The following SLC24A4 variants were observed in gnomAD, a reference collection of about 807,000 sequenced individuals.
SLC24A4 encodes the protein sodium/potassium/calcium exchanger 4.
Under a neutral mutation model 79.0 loss-of-function variants are expected in SLC24A4, and 53 were observed. The observed-to-expected ratio is 0.67, with a 90% CI of 0.54 to 0.84. The LOEUF is 0.84. Among genes scored for constraint, SLC24A4 ranks in the 40% least tolerant of loss-of-function variants. The pLI is 0.00. For synonymous variants in SLC24A4, 323 were observed against 323.8 expected, an observed-to-expected ratio of 1.00 and a Z score of 0.03; for missense variants, 731 against 822.0, an observed-to-expected ratio of 0.89 and a Z score of 1.35.
At chr14:92,324,867 C>T (rs938427324) in intron 1 of SLC24A4, among the ~76,000 whole-genome samples, 3 of 152,176 alleles carry the variant, frequency 2.0e-5, no homozygotes, top group Non-Finnish European at 4.4e-5. Context: ...AGGCCGTCAA[C>T]ATCCAGAGAC....
chr14:92,410,011 G>T lies in SLC24A4; in HGVS notation c.242-23901G>T, dbSNP rs1032869423. Among the ~76,000 whole-genome samples the T allele has an allele frequency of 9.9e-5, 15 of 152,254 alleles. No individual in the cohort carries two copies. The Middle Eastern group carries it at 0.014, about 138-fold the overall frequency. ...AATGATGAGAACTCATGAACACAAA[G>T]AAAGGAACAGACACTGGTGTCTATT... On this transcript the variant is annotated intron_variant, in intron 2 of 16. Coordinates refer to ENST00000532405, the MANE Select transcript of SLC24A4 (RefSeq NM_153646.4).
chr14:92,340,397 C>T (rs756712970), intron 2 of SLC24A4, among the ~76,000 whole-genome samples: 4 of 152,362 alleles, frequency 2.6e-5, no homozygotes, highest in East Asian at 1.9e-4. Context: ...TGTGCTTTGA[C>T]GCAAGAGGGT....
In SLC24A4 at chr14:92,483,772, T is replaced by G. The variant is rs757980122; in HGVS notation, c.1422+926T>G. 27 of 1,289,942 alleles carry G rather than the reference T, an allele frequency of 2.1e-5. No homozygotes were observed. In the South Asian group the frequency reaches 3.3e-4, roughly 16 times the overall value. 79.9% of individuals were successfully genotyped at this position (1,289,942 alleles called of 1,614,324 possible). On this transcript the variant is annotated intron_variant, in intron 13 of 16. Coordinates refer to ENST00000532405, the MANE Select transcript of SLC24A4 (RefSeq NM_153646.4). ...AGTTCCAGCATGGCTGCAGTTCTGT[T>G]GATTGTGAAACTCACTCTCAGCCCC...
intron 2 of SLC24A4, among the ~76,000 whole-genome samples, chr14:92,370,151 A>G (rs896043500): frequency 2.0e-5 from 3 of 152,250 alleles, no homozygotes; most frequent in Admixed American, 2.0e-4. Flanking sequence ...GGTAAGAGAT[A>G]GCTTTTAAAA....
rs760152843 is a variant in SLC24A4 at position 92,360,580 on chromosome 14, T to G, written c.241+34602T>G. On this transcript the variant is annotated intron_variant, in intron 2 of 16. Coordinates refer to ENST00000532405, the MANE Select transcript of SLC24A4 (RefSeq NM_153646.4). Reference sequence around the variant, plus strand: ...CAATAATGCTCTTACAAACATCCTGTGTACATGTTGCCTGTATACATGCGT... The same window carrying G: ...CAATAATGCTCTTACAAACATCCTGGGTACATGTTGCCTGTATACATGCGT... Among the ~76,000 whole-genome samples, 64 of 152,244 alleles carry G rather than the reference T, an allele frequency of 4.2e-4. 2 individuals are homozygous for G. Among genetic ancestry groups the G allele is most frequent in the Admixed American group, 9.2e-4 (14 of 15,288 alleles).
At chr14:92,460,829 G>C (rs1007864560) in intron 12 of SLC24A4, among the ~76,000 whole-genome samples, 2 of 152,186 alleles carry the variant, frequency 1.3e-5, no homozygotes, top group African/African-American at 4.8e-5. Flanking sequence ...CCCAGATGAC[G>C]GGTCGCTGGG....
At chr14:92,430,875 A>G (rs1305334291) in intron 2 of SLC24A4, among the ~76,000 whole-genome samples, 7 of 152,148 alleles carry the variant, frequency 4.6e-5, no homozygotes, top group Admixed American at 4.6e-4. Flanking sequence ...AGCCGTGTGT[A>G]TGTTCCCTGC....
chr14:92,370,811 T>C (rs746476371), intron 2 of SLC24A4, among the ~76,000 whole-genome samples: 6 of 152,152 alleles, frequency 3.9e-5, no homozygotes, highest in African/African-American at 7.2e-5. Flanking sequence ...GTTTCCCCAA[T>C]GTTTAAAAAA....
At chr14:92,482,908 T>G in intron 13 of SLC24A4, 62 bp downstream of exon 13, 1 of 1,525,202 alleles carries the variant, frequency 6.6e-7, no homozygotes, top group Non-Finnish European at 8.9e-7. Context: ...AGAGCTGGGT[T>G]CAAGGCTAAC....
chr14:92,469,988 A>G (rs895329014), intron 12 of SLC24A4, among the ~76,000 whole-genome samples: 1 of 152,334 alleles, frequency 6.6e-6, no homozygotes, highest in Non-Finnish European at 1.5e-5. Context: ...TATAGTGGTC[A>G]TAGTTACACA....
chr14:92,339,902 A>G (rs1595135162), intron 2 of SLC24A4, among the ~76,000 whole-genome samples: 1 of 152,210 alleles, frequency 6.6e-6, no homozygotes, highest in East Asian at 1.9e-4. Flanking sequence ...AGTTATTGCA[A>G]AGAGTCTTAG....
intron 2 of SLC24A4, among the ~76,000 whole-genome samples, chr14:92,399,329 A>G (rs1889960341): frequency 6.6e-6 from 1 of 152,188 alleles, no homozygotes; most frequent in African/African-American, 2.4e-5. Context: ...TCCATTTGGC[A>G]TGATGCATGG....
rs373059478 is a variant in SLC24A4 at position 92,357,249 on chromosome 14, AC to A, written c.241+31274del. The stretch of plus-strand genomic sequence containing the variant: ...AGAACAACTTCCAAAGTCAGTACAG[AC>A]CCAGACAGAAAGGCTGATTGCCAGA... On this transcript the variant is annotated intron_variant, in intron 2 of 16. Coordinates refer to ENST00000532405, the MANE Select transcript of SLC24A4 (RefSeq NM_153646.4). 2.9e-3 allele frequency among the ~76,000 whole-genome samples: 437 copies of A among 152,322 alleles called. 2 individuals carry two copies. Among genetic ancestry groups the A allele is most frequent in the African/African-American group, 9.8e-3 (408 of 41,580 alleles).
At chr14:92,331,611 A>G (rs1201765901) in intron 2 of SLC24A4, among the ~76,000 whole-genome samples, 1 of 152,210 alleles carries the variant, frequency 6.6e-6, no homozygotes, top group African/African-American at 2.4e-5. Flanking sequence ...CCATTACTGT[A>G]TTATCTGCCT....
At chr14:92,395,024 G>A (rs1889687522) in intron 2 of SLC24A4, among the ~76,000 whole-genome samples, 1 of 152,150 alleles carries the variant, frequency 6.6e-6, no homozygotes, top group African/African-American at 2.4e-5. Flanking sequence ...TGAGTGGCAT[G>A]GGAGCAGGAA....
intron 7 of SLC24A4, 117 bp from the exon 8 acceptor site, chr14:92,445,200 T>C: frequency 9.2e-7 from 1 of 1,090,168 alleles, no homozygotes; most frequent in East Asian, 2.4e-5. Flanking sequence ...AATGGACCCA[T>C]AACACATATA....
chr14:92,455,741 T>C (rs1464660388), intron 11 of SLC24A4, among the ~76,000 whole-genome samples: 3 of 151,464 alleles, frequency 2.0e-5, no homozygotes, highest in African/African-American at 7.3e-5. Context: ...TAGGACAGAG[T>C]CTTGCTTTTG....
chr14:92,419,284 C>A (rs1294869167), intron 2 of SLC24A4, among the ~76,000 whole-genome samples: 1 of 152,212 alleles, frequency 6.6e-6, no homozygotes, highest in African/African-American at 2.4e-5. Context: ...TCATTCCAGC[C>A]TTCCTCCAGG....
intron 2 of SLC24A4, among the ~76,000 whole-genome samples, chr14:92,414,261 C>A (rs547529505): frequency 1.2e-3 from 187 of 152,226 alleles, no homozygotes; most frequent in African/African-American, 4.4e-3. Context: ...GCCAGTAGCA[C>A]CCCTCCCCCG....
Sources: allele counts gnomAD v4.1 joint callset (sites outside exome capture counted in the v4.1 genomes callset), GRCh38; gene constraint gnomAD v4.1.1; transcripts MANE v1.5; gene names NCBI Gene and HGNC (gene_info 2026-07-23, HGNC 2026-07-21).